Variants in SGCD observed in about 807,000 individuals in gnomAD.
SGCD encodes delta-sarcoglycan.
A neutral mutation model predicts 36.6 loss-of-function variants in SGCD; 18 were observed. That is an observed-to-expected ratio of 0.49 (90% confidence interval 0.34 to 0.73). The LOEUF is 0.73. Ranked by LOEUF, SGCD falls within the 30% of genes least tolerant of loss-of-function variation. The probability of loss-of-function intolerance (pLI) is 0.01; values close to 1 mark genes in which losing one functional copy is unlikely to be tolerated. For missense variants in SGCD, 387 were observed against 346.7 expected (o/e 1.12, Z -0.92); for synonymous variants, 133 against 130.6 (o/e 1.02, Z -0.12).
chr5:156,402,130 GT>G lies in SGCD; in HGVS notation c.192+57454del, dbSNP rs773385298. Among the ~76,000 whole-genome samples, 24 of 152,196 alleles carry G rather than the reference GT, an allele frequency of 1.6e-4. 1 individual carries two copies. In the East Asian group the frequency reaches 4.2e-3, roughly 27 times the overall value. On this transcript the variant is annotated intron_variant, in intron 3 of 8. Transcript: ENST00000337851. ...CTTTCATACTGAATAGTGTTCCATT[GT>G]ACGTAGACACAACATTTTGTTTATC... is the stretch of plus-strand genomic sequence containing the variant.
At chr5:156,054,284 CTTT>C (rs70981996) in intron 1 of SGCD, among the ~76,000 whole-genome samples, 18 of 80,362 alleles carry the variant, frequency 2.2e-4, no homozygotes, top group Admixed American at 5.4e-4. Context: ...AACTTTCCTT[CTTT>C]TTTTTTTTTT....
intron 1 of SGCD, among the ~76,000 whole-genome samples, chr5:155,906,171 A>C (rs2113347284): frequency 6.6e-6 from 1 of 152,216 alleles, no homozygotes; most frequent in African/African-American, 2.4e-5. Flanking sequence ...CGGGTACCAT[A>C]AATCATGCCT....
At chr5:155,734,931 G>A in the SGCD span, among the ~76,000 whole-genome samples, 14 of 152,298 alleles carry the variant, frequency 9.2e-5, no homozygotes, top group African/African-American at 3.4e-4. Context: ...TTAAACTGGA[G>A]TATACTTGTC....
At chr5:156,284,340 G>T (rs1443919149) in intron 3 of SGCD, among the ~76,000 whole-genome samples, 2 of 152,112 alleles carry the variant, frequency 1.3e-5, no homozygotes, top group Non-Finnish European at 1.5e-5. Context: ...GCATCATCCT[G>T]ATACCAAAGC....
intron 6 of SGCD, among the ~76,000 whole-genome samples, chr5:156,597,675 T>C (rs992733948): frequency 2.6e-5 from 4 of 152,226 alleles, no homozygotes; most frequent in Non-Finnish European, 4.4e-5. Flanking sequence ...AGTCTTAGTA[T>C]AGTTTGATTC....
At chr5:156,600,114 T>C (rs1761130584) in intron 6 of SGCD, among the ~76,000 whole-genome samples, 2 of 152,208 alleles carry the variant, frequency 1.3e-5, no homozygotes, top group South Asian at 4.1e-4. Context: ...GAAACTAAGG[T>C]AGTTAGCATA....
At chr5:155,882,013 CTCAAAGTTATTCATGAGGGTTAAAA>C (rs1203739977) in intron 1 of SGCD, among the ~76,000 whole-genome samples, 2 of 152,158 alleles carry the variant, frequency 1.3e-5, no homozygotes, top group African/African-American at 4.8e-5. Context: ...TCTTGAACCC[CTCAAAGTTATTCATGAGGGTTAAAA>C]TCAACTTCTT....
At chr5:155,847,584 C>A in the SGCD span, among the ~76,000 whole-genome samples, 2 of 152,100 alleles carry the variant, frequency 1.3e-5, no homozygotes, top group Admixed American at 1.3e-4. Context: ...CTGAGCCTTG[C>A]CCTAAAAAGG....
At chr5:155,943,578 A>G (rs1336734248) in intron 1 of SGCD, among the ~76,000 whole-genome samples, 14 of 152,216 alleles carry the variant, frequency 9.2e-5, no homozygotes, top group African/African-American at 3.1e-4. Context: ...AGGGAAACCA[A>G]TAAACTCCAG....
intron 3 of SGCD, among the ~76,000 whole-genome samples, chr5:156,149,325 A>G (rs75964912): frequency 0.068 from 10,349 of 152,200 alleles, 581 homozygotes; most frequent in African/African-American, 0.16. Context: ...TAGTCACCCT[A>G]TTGTGCTATC....
chr5:155,770,486 C>T, the SGCD span, among the ~76,000 whole-genome samples: 3 of 152,022 alleles, frequency 2.0e-5, no homozygotes, highest in Non-Finnish European at 4.4e-5. Flanking sequence ...AGGAGTTTGG[C>T]TGGAGAAAGA....
At chr5:156,174,398 C>A (rs116055378) in intron 3 of SGCD, among the ~76,000 whole-genome samples, 1 of 152,222 alleles carries the variant, frequency 6.6e-6, no homozygotes, top group African/African-American at 2.4e-5. Context: ...AACAGTAGGT[C>A]ATGTGGCTGG....
At chr5:156,701,384 A>G (rs1561864959) in intron 7 of SGCD, among the ~76,000 whole-genome samples, 1 of 152,114 alleles carries the variant, frequency 6.6e-6, no homozygotes, top group South Asian at 2.1e-4. Context: ...GCATCTGACC[A>G]CCTCTCATCA....
intron 1 of SGCD, among the ~76,000 whole-genome samples, chr5:156,090,742 G>A (rs530989339): frequency 6.6e-6 from 1 of 152,258 alleles, no homozygotes; most frequent in African/African-American, 2.4e-5. Flanking sequence ...AACCGCATAA[G>A]ACAGACACTC....
intron 3 of SGCD, among the ~76,000 whole-genome samples, chr5:156,194,314 G>T (rs1360282327): frequency 6.6e-6 from 1 of 152,122 alleles, no homozygotes; most frequent in East Asian, 1.9e-4. Context: ...GGGAGGTAGA[G>T]GTTGCACTGA....
intron 1 of SGCD, among the ~76,000 whole-genome samples, chr5:155,970,361 T>A (rs993069826): frequency 8.5e-5 from 13 of 152,154 alleles, no homozygotes; most frequent in Non-Finnish European, 7.4e-5. Flanking sequence ...AGGGCATTTA[T>A]ATACTAAGCA....
intron 4 of SGCD, among the ~76,000 whole-genome samples, chr5:156,511,797 A>C (rs1232065114): frequency 6.6e-6 from 1 of 152,230 alleles, no homozygotes; most frequent in African/African-American, 2.4e-5. Flanking sequence ...TGCTGTACCT[A>C]GCACATAGTA....
chr5:155,807,400 G>A, the SGCD span, among the ~76,000 whole-genome samples: 1 of 152,232 alleles, frequency 6.6e-6, no homozygotes, highest in Non-Finnish European at 1.5e-5. Context: ...GAGATTTCTA[G>A]AAAAGTAATT....
intron 3 of SGCD, among the ~76,000 whole-genome samples, chr5:156,303,243 T>C (rs1308263129): frequency 6.6e-6 from 1 of 152,074 alleles, no homozygotes; most frequent in African/African-American, 2.4e-5. Context: ...AGGAGTCCCT[T>C]CCCATGGCCA....
Sources: allele counts gnomAD v4.1 joint callset (sites outside exome capture counted in the v4.1 genomes callset), GRCh38; gene constraint gnomAD v4.1.1; transcripts MANE v1.5; gene names NCBI Gene and HGNC (gene_info 2026-07-23, HGNC 2026-07-21).